HMGCLL1: variants seen among roughly 807,000 people sequenced by gnomAD.
The protein encoded by HMGCLL1 is 3-hydroxymethyl-3-methylglutaryl-CoA lyase, cytoplasmic.
Under a neutral mutation model 39.1 loss-of-function variants are expected in HMGCLL1, and 36 were observed. The ratio of observed to expected loss-of-function variants is 0.92; its 90% CI spans 0.71 to 1.22. The LOEUF is 1.22. Ranked by LOEUF, HMGCLL1 falls within the 50% of genes most tolerant of loss-of-function variation. The probability of loss-of-function intolerance (pLI) is 0.00; values close to 1 mark genes in which losing one functional copy is unlikely to be tolerated. For missense variants in HMGCLL1, 451 were observed against 416.5 expected, an observed-to-expected ratio of 1.08 and a Z score of -0.72; for synonymous variants, 149 against 144.0, an observed-to-expected ratio of 1.03 and a Z score of -0.25.
At chr6:55,608,489 A>G in the HMGCLL1 span, among the ~76,000 whole-genome samples, 33 of 152,006 alleles carry the variant, frequency 2.2e-4, no homozygotes, top group African/African-American at 5.8e-4. Flanking sequence ...GAATTTAGGG[A>G]AAAAAAACAG....
chr6:55,545,786 A>C (rs1214701443), intron 1 of HMGCLL1, among the ~76,000 whole-genome samples: 1 of 152,148 alleles, frequency 6.6e-6, no homozygotes, highest in Non-Finnish European at 1.5e-5. Context: ...GTGCATATCT[A>C]AGCTCATTAG....
intron 7 of HMGCLL1, among the ~76,000 whole-genome samples, chr6:55,471,380 T>C (rs1345065062): frequency 6.6e-6 from 1 of 151,740 alleles, no homozygotes; most frequent in Non-Finnish European, 1.5e-5. Flanking sequence ...CTACAAACTC[T>C]TTTTCTGTCT....
chr6:55,637,179 T>C, the HMGCLL1 span, among the ~76,000 whole-genome samples: 60 of 152,306 alleles, frequency 3.9e-4, no homozygotes, highest in Non-Finnish European at 7.2e-4. Context: ...ACAGTATAGC[T>C]ATAGACTTGA....
chr6:55,604,242 T>TA, the HMGCLL1 span, among the ~76,000 whole-genome samples: 1 of 152,186 alleles, frequency 6.6e-6, no homozygotes, highest in East Asian at 1.9e-4. Flanking sequence ...TATGAACCTT[T>TA]AAGTCAATTC....
chr6:55,535,440 G>C (rs1486901634), intron 3 of HMGCLL1, among the ~76,000 whole-genome samples: 1 of 152,154 alleles, frequency 6.6e-6, no homozygotes, highest in Non-Finnish European at 1.5e-5. Context: ...AAAATATGTG[G>C]AAGACCCACA....
At chr6:55,475,828 C>G (rs1482571537) in intron 7 of HMGCLL1, among the ~76,000 whole-genome samples, 5 of 151,446 alleles carry the variant, frequency 3.3e-5, no homozygotes, top group African/African-American at 4.8e-5. Flanking sequence ...ATTGAACTAG[C>G]ACAATTTATT....
intron 5 of HMGCLL1, among the ~76,000 whole-genome samples, chr6:55,501,425 C>T (rs926869151): frequency 5.3e-5 from 8 of 151,840 alleles, no homozygotes; most frequent in African/African-American, 1.9e-4. Context: ...TGACCCACAA[C>T]ACCTAAAATG....
chr6:55,541,745 G>A lies in HMGCLL1; in HGVS notation c.281C>T (p.Ser94Phe). 3 of 1,589,740 alleles carry A rather than the reference G, an allele frequency of 1.9e-6. No individual in the cohort carries two copies. The highest frequency in any genetic ancestry group is 2.6e-6 in the Non-Finnish European group (3 of 1,166,634). Residue 94 changes from serine (S) to phenylalanine (F), a missense_variant, in exon 3 of 9, where the codon TCC (serine) becomes TTC (phenylalanine). Physicochemically the swap from Ser to Phe is radical, Grantham distance 155 (BLOSUM62 -2). Coordinates refer to ENST00000274901, the MANE Select transcript of HMGCLL1 (RefSeq NM_001042406.2). ...SVIEVTSFVS[S>F]RWVPQMADHT... is the part of the protein sequence containing the mutation. ...TTTACATACCTGTGGTACCCATCTGGAAGACACAAAGCTAGTCACTTCTAT... is the reference window on the plus strand; with the variant it reads ...TTTACATACCTGTGGTACCCATCTGAAAGACACAAAGCTAGTCACTTCTAT...
chr6:55,502,820 C>A (rs183223849), intron 5 of HMGCLL1, among the ~76,000 whole-genome samples: 25 of 150,844 alleles, frequency 1.7e-4, no homozygotes, highest in South Asian at 4.2e-4. Flanking sequence ...TCAAGTTTAT[C>A]CATCTTCTGA....
chr6:55,475,751 C>T (rs781299589), intron 7 of HMGCLL1, among the ~76,000 whole-genome samples: 3 of 151,526 alleles, frequency 2.0e-5, no homozygotes, highest in Non-Finnish European at 3.0e-5. Flanking sequence ...ATGTTATTTA[C>T]TTCTATAGTT....
At chr6:55,530,747 C>T (rs1204255142) in intron 3 of HMGCLL1, among the ~76,000 whole-genome samples, 1 of 152,076 alleles carries the variant, frequency 6.6e-6, no homozygotes, top group African/African-American at 2.4e-5. Context: ...CTTTCTAAGT[C>T]TCTATGTTTA....
chr6:55,436,502 C>T (rs1010721615), intron 8 of HMGCLL1, among the ~76,000 whole-genome samples: 4 of 151,896 alleles, frequency 2.6e-5, no homozygotes, highest in African/African-American at 9.7e-5. Flanking sequence ...AAGTTTCCAC[C>T]CAGCACTTTT....
At chr6:55,537,156 T>G (rs1769082404) in intron 3 of HMGCLL1, among the ~76,000 whole-genome samples, 1 of 152,116 alleles carries the variant, frequency 6.6e-6, no homozygotes, top group African/African-American at 2.4e-5. Context: ...TTTAAAATGG[T>G]CTGCTCAGAC....
Position 55,577,049 on chromosome 6 carries a change from A to C in HMGCLL1, c.108+1899T>G, listed in dbSNP as rs375876185. 1.9e-5 allele frequency: 31 copies of C among 1,613,444 alleles called. No individual in the cohort carries two copies. In the African/African-American group the frequency reaches 4.0e-4, roughly 21 times the overall value. On this transcript the variant is annotated intron_variant, in intron 1 of 8. Transcript: ENST00000274901. ...CTCAAACTCACACTAGGAAGAGTGT[A>C]GATAGTGATGGGGCATCTGGATATT...
At position 55,519,770 on chromosome 6, in the gene HMGCLL1, A is replaced by C. The variant is rs1037814062; in HGVS notation, c.298-3167T>G. Among the ~76,000 whole-genome samples, 5 of 152,108 alleles carry C rather than the reference A, an allele frequency of 3.3e-5. No homozygotes were observed. In the East Asian group the frequency reaches 7.7e-4, roughly 23 times the overall value. On this transcript the variant is annotated intron_variant, in intron 3 of 8. Transcript: ENST00000274901. ...ATTCTCATGATAACAAAAGTTAATA[A>C]AGATCATGTTCCTAACCAAATACAG... is the stretch of plus-strand genomic sequence containing the variant.
intron 7 of HMGCLL1, among the ~76,000 whole-genome samples, chr6:55,450,292 G>A (rs1485143158): frequency 6.6e-6 from 1 of 152,194 alleles, no homozygotes; most frequent in African/African-American, 2.4e-5. Context: ...CAGAATGGGA[G>A]GACAGGATAG....
chr6:55,645,379 A>T, the HMGCLL1 span, among the ~76,000 whole-genome samples: 8 of 152,060 alleles, frequency 5.3e-5, no homozygotes, highest in Non-Finnish European at 8.8e-5. Flanking sequence ...TCCAATTTGG[A>T]TGCCTTTACT....
intron 7 of HMGCLL1, among the ~76,000 whole-genome samples, chr6:55,463,764 G>A (rs1002294266): frequency 6.6e-6 from 1 of 152,166 alleles, no homozygotes; most frequent in Non-Finnish European, 1.5e-5. Flanking sequence ...TTTTGATTGA[G>A]CTGTCCGTTT....
At chr6:55,616,295 G>C in the HMGCLL1 span, among the ~76,000 whole-genome samples, 12 of 152,120 alleles carry the variant, frequency 7.9e-5, no homozygotes, top group Non-Finnish European at 1.5e-4. Flanking sequence ...TTGATCTCTT[G>C]GAATCCTAAG....
Sources: gnomAD v4.1 joint callset for allele counts (sites outside exome capture counted in the v4.1 genomes callset) on GRCh38, gnomAD v4.1.1 for gene constraint, MANE v1.5 for transcripts, NCBI Gene and HGNC (gene_info 2026-07-23, HGNC 2026-07-21) for gene names.